Variants in CEMIP2 observed in about 807,000 individuals in gnomAD.
The protein encoded by CEMIP2 is cell surface hyaluronidase CEMIP2.
Under a neutral mutation model 146.9 loss-of-function variants are expected in CEMIP2, and 79 were observed. That is an observed-to-expected ratio of 0.54 (90% confidence interval 0.45 to 0.65). The LOEUF is 0.65. Among genes scored for constraint, CEMIP2 ranks in the 30% least tolerant of loss-of-function variants. The pLI, the probability that CEMIP2 is intolerant of heterozygous loss-of-function variation, is 0.00. For missense variants in CEMIP2, 1,596 were observed against 1,696.2 expected (o/e 0.94, Z 1.04); for synonymous variants, 601 against 606.3 (o/e 0.99, Z 0.13).
At chr9:71,705,090 T>C (rs999577161) in intron 17 of CEMIP2, among the ~76,000 whole-genome samples, 1 of 152,094 alleles carries the variant, frequency 6.6e-6, no homozygotes, top group Non-Finnish European at 1.5e-5. Flanking sequence ...CTGTGGCTTA[T>C]ACAGCTTGTC....
At chr9:71,769,028 G>A (rs1239852292), upstream of CEMIP2, 2 of 152,174 alleles carry the variant, frequency 1.3e-5, no homozygotes, top group African/African-American at 2.4e-5. Flanking sequence ...CGAAAGCGGA[G>A]GCTCAGCGCC....
chr9:71,708,250 C>T (rs889946612), intron 17 of CEMIP2, among the ~76,000 whole-genome samples: 1 of 152,156 alleles, frequency 6.6e-6, no homozygotes, highest in Non-Finnish European at 1.5e-5. Flanking sequence ...AGGGTGGGGG[C>T]AGGATCTGCT....
chr9:71,769,285 C>T (rs1322662131), upstream of CEMIP2, among the ~76,000 whole-genome samples: 1 of 152,214 alleles, frequency 6.6e-6, no homozygotes, highest in African/African-American at 2.4e-5. Flanking sequence ...CATCAACCCT[C>T]GGCTGCGTCA....
chr9:71,730,169 T>C lies in CEMIP2; in HGVS notation c.1858A>G (p.Asn620Asp). 2 of 1,614,186 alleles carry C rather than the reference T, an allele frequency of 1.2e-6. No homozygotes were observed. Among genetic ancestry groups the C allele is most frequent in the Non-Finnish European group, 8.5e-7 (1 of 1,180,046 alleles). Residue 620 changes from asparagine to aspartate, a missense_variant, in exon 9 of 24, where the codon AAT (asparagine) becomes GAT (aspartate). Transcript: ENST00000377044. ...CCCGGCTTGGTGAGGAGTCCCAGAT[T>C]GTGGAACAAAGTATTCCTCTGTTCA... ...GIEQRNTLFH[N>D]LGLLTKPGTL...
At chr9:71,756,040 G>A (rs1824431048) in intron 1 of CEMIP2, among the ~76,000 whole-genome samples, 1 of 137,048 alleles carries the variant, frequency 7.3e-6, no homozygotes, top group Admixed American at 7.6e-5. Context: ...GTTAATTTAT[G>A]TACTTGTCCA....
chr9:71,715,579 C>G (rs1207507052), intron 14 of CEMIP2, among the ~76,000 whole-genome samples: 2 of 144,966 alleles, frequency 1.4e-5, no homozygotes, highest in Non-Finnish European at 3.0e-5. Context: ...AATACCTATA[C>G]CTACTTATAG....
At chr9:71,685,931 G>C in intron 22 of CEMIP2, 85 bp from the exon 23 acceptor site, 2 of 926,142 alleles carry the variant, frequency 2.2e-6, no homozygotes, top group Non-Finnish European at 3.4e-6. Context: ...TGAACTGACT[G>C]CTGAATAGAA....
intron 1 of CEMIP2, among the ~76,000 whole-genome samples, chr9:71,756,552 AAGAG>A (rs1001701201): frequency 6.7e-6 from 1 of 149,154 alleles, no homozygotes; most frequent in Non-Finnish European, 1.5e-5. Flanking sequence ...ACACAAGAGA[AAGAG>A]AGACAGAGAG....
intron 4 of CEMIP2, among the ~76,000 whole-genome samples, chr9:71,741,006 C>T (rs963014142): frequency 1.3e-5 from 2 of 152,080 alleles, no homozygotes; most frequent in Non-Finnish European, 2.9e-5. Context: ...GGGCACCATA[C>T]TTTGAAAACC....
chr9:71,698,026 C>T lies in CEMIP2; in HGVS notation c.3556G>A (p.Ala1186Thr). The change falls in exon 20 of 24, where the codon GCC becomes ACC. Residue 1186 changes from alanine (A) to threonine (T), a missense_variant. Coordinates refer to ENST00000377044, the MANE Select transcript of CEMIP2 (RefSeq NM_013390.3). ...CCTTGACAGAGTCCAGTGAGCATGGCCGGCATCCGCTTGACCACTGACGGC... is the reference window on the plus strand; with the variant it reads ...CCTTGACAGAGTCCAGTGAGCATGGTCGGCATCCGCTTGACCACTGACGGC... ...RKPSVVKRMP[A>T]MLTGLCQGCG... The T allele has an allele frequency of 6.2e-7, 1 of 1,614,162 alleles. No individual in the cohort carries two copies. The highest frequency in any genetic ancestry group is 8.5e-7 in the Non-Finnish European group (1 of 1,180,024).
At position 71,704,734 on chromosome 9, in the gene CEMIP2, G is replaced by A. The variant is rs373540675; in HGVS notation, c.3055C>T (p.Pro1019Ser). 2.0e-4 allele frequency: 320 copies of A among 1,614,016 alleles called. No homozygotes were observed. The highest frequency in any genetic ancestry group is 2.6e-4 in the Non-Finnish European group (301 of 1,180,034). ...TITRDEYPSN[P>S]MVLRGINQKA... ...TGATTAATACCTCGGAGCACCATAGGGTTGGACGGATACTCATCTCGTGTA... is the reference window on the plus strand; with the variant it reads ...TGATTAATACCTCGGAGCACCATAGAGTTGGACGGATACTCATCTCGTGTA... The change falls in exon 18 of 24, where the codon CCT becomes TCT. Residue 1019 changes from proline to serine, a missense_variant. Coordinates refer to ENST00000377044, the MANE Select transcript of CEMIP2 (RefSeq NM_013390.3).
At chr9:71,722,566 C>A in intron 11 of CEMIP2, 51 bp from the exon 12 acceptor site, 1 of 1,357,964 alleles carries the variant, frequency 7.4e-7, no homozygotes, top group Non-Finnish European at 1.0e-6. Flanking sequence ...CAACTTACAA[C>A]AACATATACA....
chr9:71,764,308 T>G (rs1824724165), intron 1 of CEMIP2, among the ~76,000 whole-genome samples: 1 of 152,132 alleles, frequency 6.6e-6, no homozygotes, highest in Non-Finnish European at 1.5e-5. Context: ...AGTGTCTGCC[T>G]TAAACCTGAA....
chr9:71,731,731 CAAAAA>C (rs35175440), intron 7 of CEMIP2, among the ~76,000 whole-genome samples: 7 of 138,504 alleles, frequency 5.1e-5, no homozygotes, highest in Non-Finnish European at 9.2e-5. Flanking sequence ...GACTGTATCT[CAAAAA>C]AAAAAAAAAA....
At chr9:71,699,473 A>G (rs1368890769) in intron 19 of CEMIP2, 1 of 421,778 alleles carries the variant, frequency 2.4e-6, no homozygotes, top group East Asian at 7.0e-5. Flanking sequence ...AAAGAAAGAA[A>G]GAAAGAAAAA....
Position 71,750,021 on chromosome 9 carries a change from ATG to A in CEMIP2, c.331+20_331+21del. ...TCTTTTGTCTTCTAGAATATGTTCT[ATG>A]TGCATATACACACACTTACCATCTG... On this transcript the variant is annotated intron_variant, in intron 2 of 23. Transcript: ENST00000377044. 1.9e-6 allele frequency: 3 copies of A among 1,554,030 alleles called. No homozygotes were observed. In the East Asian group the frequency reaches 6.7e-5, roughly 35 times the overall value.
chr9:71,712,076 T>C lies in CEMIP2; in HGVS notation c.2769+7A>G. The stretch of plus-strand genomic sequence containing the variant: ...GTCACTACGTAAGAACTACAGAACA[T>C]ACTTACATGTGGACCAAACTTCACG... On this transcript the variant is annotated splice_region_variant and intron_variant, in intron 16 of 23. Coordinates refer to ENST00000377044, the MANE Select transcript of CEMIP2 (RefSeq NM_013390.3). 6.2e-7 allele frequency: 1 copy of C among 1,613,420 alleles called. No individual in the cohort carries two copies.
intron 22 of CEMIP2, 134 bp downstream of exon 22, chr9:71,689,958 A>G: frequency 2.8e-6 from 3 of 1,055,438 alleles, no homozygotes; most frequent in Non-Finnish European, 4.1e-6. Flanking sequence ...CTGAGGTAGG[A>G]GAGGAATGAA....
At chr9:71,699,522 A>C in intron 19 of CEMIP2, 2 of 402,304 alleles carry the variant, frequency 5.0e-6, no homozygotes, top group Non-Finnish European at 9.7e-6. Context: ...TATGACAATA[A>C]AACTTTTAAG....
Sources: allele counts gnomAD v4.1 joint callset (sites outside exome capture counted in the v4.1 genomes callset), GRCh38; gene constraint gnomAD v4.1.1; transcripts MANE v1.5; gene names NCBI Gene and HGNC (gene_info 2026-07-23, HGNC 2026-07-21).